Variants in CCDC47 observed in about 807,000 individuals in gnomAD.
The protein encoded by CCDC47 is PAT complex subunit CCDC47.
Under a neutral mutation model 60.5 loss-of-function variants are expected in CCDC47, and 41 were observed. That is an observed-to-expected ratio of 0.68 (90% confidence interval 0.53 to 0.88). The LOEUF (loss-of-function observed/expected upper bound fraction) is 0.88. CCDC47 is among the 40% of genes least tolerant of loss of function. The pLI is 0.00. For missense variants in CCDC47, 513 were observed against 580.9 expected, an observed-to-expected ratio of 0.88 and a Z score of 1.20; for synonymous variants, 195 against 190.7, an observed-to-expected ratio of 1.02 and a Z score of -0.18.
intron 9 of CCDC47, 174 bp from the exon 10 acceptor site, chr17:63,752,973 C>T: frequency 9.6e-6 from 9 of 938,246 alleles, no homozygotes; most frequent in Middle Eastern, 1.1e-3. Flanking sequence ...CTGGTCCACT[C>T]GTCTATCTGA....
intron 4 of CCDC47, 107 bp from the exon 5 acceptor site, chr17:63,761,458 G>C: frequency 8.5e-7 from 1 of 1,181,048 alleles, no homozygotes; most frequent in Non-Finnish European, 1.2e-6. Flanking sequence ...GAGGTGGGTG[G>C]ATCACGAGGT....
intron 12 of CCDC47, among the ~76,000 whole-genome samples, chr17:63,750,648 G>A (rs1223802987): frequency 6.6e-6 from 1 of 151,278 alleles, no homozygotes; most frequent in East Asian, 1.9e-4. Flanking sequence ...GCAGTGGCTC[G>A]ATCCCTGCTC....
intron 9 of CCDC47, among the ~76,000 whole-genome samples, chr17:63,754,030 C>T (rs1464136273): frequency 6.6e-6 from 1 of 152,096 alleles, no homozygotes; most frequent in Admixed American, 6.6e-5. Context: ...TGCTTGAACC[C>T]GGGAGGCGGA....
intron 3 of CCDC47, among the ~76,000 whole-genome samples, chr17:63,764,516 A>C (rs2039283451): frequency 6.6e-6 from 1 of 152,114 alleles, no homozygotes; most frequent in African/African-American, 2.4e-5. Context: ...TAAGTAGTAA[A>C]ACTAGAAGTG....
intron 8 of CCDC47, 37 bp downstream of exon 8, chr17:63,756,203 C>A: frequency 7.0e-7 from 1 of 1,437,148 alleles, no homozygotes; most frequent in Non-Finnish European, 9.8e-7. Context: ...CTGTAAATGC[C>A]AAGGCCTGGC....
chr17:63,764,843 C>T lies in CCDC47; in HGVS notation c.269G>A (p.Gly90Glu). 1.9e-6 allele frequency: 3 copies of T among 1,609,800 alleles called. 1 individual carries two copies. In the South Asian group the frequency reaches 3.3e-5, roughly 18 times the overall value. The change falls in exon 3 of 13, where the codon GGA becomes GAA. Residue 90 changes from glycine (G) to glutamate (E), a missense_variant. Transcript: ENST00000225726. ...ATCATATGGTTCACTCTCAGTATCT[C>T]CCTCCTACAAAAATGAGGCATCATC... ...GDFEDADTQE[G>E]DTESEPYDDE...
chr17:63,750,120 C>T (rs966642773), intron 12 of CCDC47, among the ~76,000 whole-genome samples: 5 of 152,084 alleles, frequency 3.3e-5, no homozygotes, highest in African/African-American at 9.7e-5. Context: ...TGATTTACAT[C>T]GACAAGAAGC....
chr17:63,748,148 C>A (rs1328826621), intron 12 of CCDC47, among the ~76,000 whole-genome samples: 3 of 151,874 alleles, frequency 2.0e-5, no homozygotes, highest in South Asian at 2.1e-4. Flanking sequence ...AGCCAATGTG[C>A]CTGGCCAGGT....
intron 4 of CCDC47, chr17:63,762,091 T>C: frequency 2.0e-6 from 2 of 984,994 alleles, no homozygotes; most frequent in South Asian, 4.7e-5. Context: ...TCTTTTCCAA[T>C]GCAAAATGAT....
intron 6 of CCDC47, among the ~76,000 whole-genome samples, chr17:63,759,919 C>T (rs2039244390): frequency 6.6e-6 from 1 of 151,624 alleles, no homozygotes; most frequent in African/African-American, 2.4e-5. Flanking sequence ...AAAAAATTGG[C>T]TGGGAGTGGT....
intron 8 of CCDC47, among the ~76,000 whole-genome samples, chr17:63,755,923 CAAAAAAA>C (rs59036340): frequency 1.0e-5 from 1 of 98,548 alleles, no homozygotes. Flanking sequence ...AACTGGAGCT[CAAAAAAA>C]AAAAAAAAAA....
At chr17:63,769,293 G>T (rs1024058494) in intron 1 of CCDC47, among the ~76,000 whole-genome samples, 5 of 150,288 alleles carry the variant, frequency 3.3e-5, no homozygotes, top group African/African-American at 1.2e-4. Context: ...TCGAAACCCA[G>T]ATCATTTTAG....
In CCDC47 at chr17:63,764,782, A is replaced by G. The variant is rs1410393610; in HGVS notation, c.330T>C (p.Asp110=). 1 of 1,613,596 alleles carries G rather than the reference A, an allele frequency of 6.2e-7. No homozygotes were observed. Among genetic ancestry groups the G allele is most frequent in the Non-Finnish European group, 8.5e-7 (1 of 1,179,930 alleles). The change falls in exon 3 of 13, where the codon GAT becomes GAC. Residue 110 remains aspartate (D), a synonymous_variant. Transcript: ENST00000225726. ...EEFEGYEDKP[D]TSSSKNKDPI... ...GGTCTTTATTTTTGCTAGAAGAAGT[A>G]TCTGGTTTGTCTTCATAACCTTCAA...
At chr17:63,759,527 TTATATATATATATATATATATATATATA>T (rs770930100) in intron 6 of CCDC47, among the ~76,000 whole-genome samples, 4 of 3,958 alleles carry the variant, frequency 1.0e-3, no homozygotes, top group East Asian at 7.1e-3. Flanking sequence ...ATATATATAT[TTATATATATATATATATATATATATATA>T]TATATATATA....
chr17:63,759,012 T>A (rs7222189), intron 6 of CCDC47, among the ~76,000 whole-genome samples: 1 of 151,990 alleles, frequency 6.6e-6, no homozygotes, highest in African/African-American at 2.4e-5. Flanking sequence ...AGAATAATTT[T>A]TACAAAAAGA....
chr17:63,766,567 GCA>G (rs1199864705), intron 1 of CCDC47, among the ~76,000 whole-genome samples: 1 of 152,124 alleles, frequency 6.6e-6, no homozygotes, highest in Non-Finnish European at 1.5e-5. Flanking sequence ...GGGATTACAG[GCA>G]TGTGCCACCA....
chr17:63,761,419 C>T (rs1598309502), intron 4 of CCDC47, 68 bp from the exon 5 acceptor site: 27 of 1,575,264 alleles, frequency 1.7e-5, no homozygotes, highest in South Asian at 6.8e-5. Context: ...TGGTGGCTCA[C>T]GCCTATAATC....
chr17:63,769,376 G>A (rs2039319693), intron 1 of CCDC47, among the ~76,000 whole-genome samples: 1 of 152,058 alleles, frequency 6.6e-6, no homozygotes, highest in Non-Finnish European at 1.5e-5. Context: ...CACTTTGGGA[G>A]GCTGAGGTGG....
intron 11 of CCDC47, 53 bp downstream of exon 11, chr17:63,752,258 CTCCCCCTTG>C: frequency 7.0e-7 from 1 of 1,423,314 alleles, no homozygotes; most frequent in Non-Finnish European, 9.9e-7. Context: ...GATAGCTGCC[CTCCCCCTTG>C]AGAAGAAACA....
Sources: gnomAD v4.1 joint callset for allele counts (sites outside exome capture counted in the v4.1 genomes callset) on GRCh38, gnomAD v4.1.1 for gene constraint, MANE v1.5 for transcripts, NCBI Gene and HGNC (gene_info 2026-07-23, HGNC 2026-07-21) for gene names.